Variants in MGMT observed in about 807,000 individuals in gnomAD.
The protein encoded by MGMT is methylated-DNA--protein-cysteine methyltransferase.
In MGMT, 14 loss-of-function variants were observed where a neutral mutation model predicts 15.9. That is an observed-to-expected ratio of 0.88 (90% CI 0.58 to 1.37). The LOEUF is 1.37. Among genes scored for constraint, MGMT ranks in the 40% most tolerant of loss-of-function variants. MGMT has a pLI of 0.00. For synonymous variants in MGMT, 130 were observed against 118.2 expected (o/e 1.10, Z -0.65); for missense variants, 282 against 268.1 (o/e 1.05, Z -0.36).
At chr10:129,734,271 T>C (rs1036132069) in intron 3 of MGMT, among the ~76,000 whole-genome samples, 1 of 139,214 alleles carries the variant, frequency 7.2e-6, no homozygotes, top group Non-Finnish European at 1.6e-5. Flanking sequence ...GAAGAGGTCC[T>C]TCACATCCCT....
At chr10:129,744,393 G>A (rs969001558) in intron 3 of MGMT, among the ~76,000 whole-genome samples, 1 of 152,248 alleles carries the variant, frequency 6.6e-6, no homozygotes, top group Non-Finnish European at 1.5e-5. Context: ...TGGAAAGTGT[G>A]TGACATCGTG....
rs7910554 is a variant in MGMT at position 129,557,910 on chromosome 10, G to T, written c.125+21533G>T. 7.5e-3 allele frequency among the ~76,000 whole-genome samples: 1,143 copies of T among 152,318 alleles called. 18 individuals carry two copies. Among genetic ancestry groups the T allele is most frequent in the African/African-American group, 0.027 (1,103 of 41,564 alleles). On this transcript the variant is annotated intron_variant, in intron 2 of 4. Coordinates refer to ENST00000651593, the MANE Select transcript of MGMT (RefSeq NM_002412.5). Reference sequence around the variant, plus strand: ...CTACAAATGTAAGATTGCCTTTGGTGATGAGTTGGTGTCATCTGTCTTCTG... The same window carrying T: ...CTACAAATGTAAGATTGCCTTTGGTTATGAGTTGGTGTCATCTGTCTTCTG...
intron 3 of MGMT, among the ~76,000 whole-genome samples, chr10:129,755,420 A>G (rs74160283): frequency 0.033 from 5,103 of 152,338 alleles, 295 homozygotes; most frequent in African/African-American, 0.12. Context: ...CCATGGCCAC[A>G]GCACAGCTAC....
At chr10:129,590,389 G>A (rs149247587) in intron 2 of MGMT, among the ~76,000 whole-genome samples, 7 of 152,224 alleles carry the variant, frequency 4.6e-5, no homozygotes, top group South Asian at 2.1e-4. Context: ...CTTATGTTTC[G>A]ATTTTAATTC....
At position 129,518,010 on chromosome 10, in the gene MGMT, C is replaced by T. The variant is rs758661609; in HGVS notation, c.-12-18231C>T. 3.3e-5 allele frequency among the ~76,000 whole-genome samples: 5 copies of T among 152,052 alleles called. No homozygotes were observed. In the East Asian group the frequency reaches 7.8e-4, roughly 24 times the overall value. ...CTGCCTTATTTGGAGATATTTCGCA[C>T]CTCTGTGGGCTCCCAGTGGCAGGCA... On this transcript the variant is annotated intron_variant, in intron 1 of 4. Transcript: ENST00000651593.
intron 1 of MGMT, among the ~76,000 whole-genome samples, chr10:129,523,802 A>G (rs1449236871): frequency 6.6e-6 from 1 of 152,092 alleles, no homozygotes; most frequent in Non-Finnish European, 1.5e-5. Flanking sequence ...GGTATTTCTG[A>G]CCAGGCGGGA....
chr10:129,746,650 T>C (rs1167634699), intron 3 of MGMT, among the ~76,000 whole-genome samples: 11 of 152,162 alleles, frequency 7.2e-5, no homozygotes, highest in Admixed American at 7.2e-4. Context: ...TTTGGAAATC[T>C]CTCTTCTATT....
At chr10:129,526,180 A>G (rs1275532928) in intron 1 of MGMT, among the ~76,000 whole-genome samples, 2 of 152,208 alleles carry the variant, frequency 1.3e-5, no homozygotes, top group Non-Finnish European at 2.9e-5. Flanking sequence ...GGCCAGGTTT[A>G]TGATCAGGTG....
intron 2 of MGMT, among the ~76,000 whole-genome samples, chr10:129,699,180 G>C (rs547066919): frequency 2.0e-5 from 3 of 151,898 alleles, no homozygotes; most frequent in Admixed American, 1.3e-4. Context: ...GGAGGGGGGA[G>C]GTAAATAGGC....
At chr10:129,505,068 T>G (rs1165634391) in intron 1 of MGMT, among the ~76,000 whole-genome samples, 3 of 152,220 alleles carry the variant, frequency 2.0e-5, no homozygotes, top group African/African-American at 7.2e-5. Flanking sequence ...TTCCCCCTGT[T>G]GACTTTGGGA....
intron 4 of MGMT, among the ~76,000 whole-genome samples, chr10:129,763,298 G>A (rs577464354): frequency 1.2e-3 from 190 of 152,240 alleles, no homozygotes; most frequent in African/African-American, 4.3e-3. Context: ...TGTCCTTAGG[G>A]CCCCAATAAA....
chr10:129,657,988 T>A (rs549177474), intron 2 of MGMT, among the ~76,000 whole-genome samples: 65 of 152,206 alleles, frequency 4.3e-4, no homozygotes, highest in African/African-American at 1.5e-3. Context: ...AATGTGGTGT[T>A]GAGATTGGTA....
chr10:129,736,480 AAT>A (rs1367643068), intron 3 of MGMT, among the ~76,000 whole-genome samples: 1 of 146,306 alleles, frequency 6.8e-6, no homozygotes, highest in Non-Finnish European at 1.5e-5. Flanking sequence ...GGGTTTCCTG[AAT>A]ACAGCACACT....
chr10:129,500,167 TC>T (rs2119674729), intron 1 of MGMT, among the ~76,000 whole-genome samples: 1 of 152,346 alleles, frequency 6.6e-6, no homozygotes, highest in Admixed American at 6.5e-5. Context: ...TTTTAAAACT[TC>T]AACAATGTAG....
At chr10:129,724,597 A>G (rs1313722273) in intron 3 of MGMT, among the ~76,000 whole-genome samples, 1 of 152,218 alleles carries the variant, frequency 6.6e-6, no homozygotes, top group African/African-American at 2.4e-5. Context: ...TCTTAATGGT[A>G]TATGTGCTGA....
chr10:129,713,286 T>C (rs1294303404), intron 3 of MGMT, among the ~76,000 whole-genome samples: 3 of 152,198 alleles, frequency 2.0e-5, no homozygotes, highest in Non-Finnish European at 4.4e-5. Context: ...CTTCTTCCGA[T>C]GCCCGTTTAT....
chr10:129,575,305 G>A (rs1274667531), intron 2 of MGMT, among the ~76,000 whole-genome samples: 1 of 152,158 alleles, frequency 6.6e-6, no homozygotes, highest in Non-Finnish European at 1.5e-5. Flanking sequence ...CTCAGCAAAT[G>A]TAAAAGAACA....
At chr10:129,581,550 C>T (rs780649192) in intron 2 of MGMT, among the ~76,000 whole-genome samples, 1 of 152,220 alleles carries the variant, frequency 6.6e-6, no homozygotes, top group Admixed American at 6.5e-5. Context: ...GATGCAGGAA[C>T]TCTGGATCTA....
chr10:129,479,806 G>A (rs1845337054), intron 1 of MGMT, among the ~76,000 whole-genome samples: 1 of 151,922 alleles, frequency 6.6e-6, no homozygotes, highest in Non-Finnish European at 1.5e-5. Context: ...GTGGAGTGGT[G>A]GGGTGGGATC....
Sources: allele counts gnomAD v4.1 joint callset (sites outside exome capture counted in the v4.1 genomes callset), GRCh38; gene constraint gnomAD v4.1.1; transcripts MANE v1.5; gene names NCBI Gene and HGNC (gene_info 2026-07-23, HGNC 2026-07-21).